Variants in RASAL2 observed in about 807,000 individuals in gnomAD.
The protein encoded by RASAL2 is RAS protein activator like 2, also known as ras GTPase-activating protein nGAP.
Under a neutral mutation model 128.9 loss-of-function variants are expected in RASAL2, and 58 were observed. The ratio of observed to expected loss-of-function variants is 0.45; its 90% CI spans 0.36 to 0.56. The LOEUF is 0.56. Among genes scored for constraint, RASAL2 ranks in the 20% least tolerant of loss-of-function variants. The pLI, the probability that RASAL2 is intolerant of heterozygous loss-of-function variation, is 0.00. For missense variants in RASAL2, 1,360 were observed against 1,601.6 expected, an observed-to-expected ratio of 0.85 and a Z score of 2.57; for synonymous variants, 561 against 580.8, an observed-to-expected ratio of 0.97 and a Z score of 0.49.
chr1:178,248,655 TG>T (rs1316220594), intron 1 of RASAL2, among the ~76,000 whole-genome samples: 4 of 152,304 alleles, frequency 2.6e-5, no homozygotes, highest in Admixed American at 2.6e-4. Context: ...CTTTATATTT[TG>T]TTATGTTTTT....
chr1:178,122,872 G>T lies in RASAL2; in HGVS notation c.202+28178G>T, dbSNP rs1395369210. Among the ~76,000 whole-genome samples the T allele has an allele frequency of 3.3e-5, 5 of 150,564 alleles. No homozygotes were observed. In the East Asian group the frequency reaches 9.7e-4, roughly 29 times the overall value. ...TTTTTGCTCACACACTACTTTGGAT[G>T]ATTTTAATTGTATAGTATTTAAAAT... On this transcript the variant is annotated intron_variant, in intron 1 of 17. Coordinates refer to ENST00000367649, the MANE Select transcript of RASAL2 (RefSeq NM_170692.4).
intron 1 of RASAL2, among the ~76,000 whole-genome samples, chr1:178,280,856 G>A (rs1187817313): frequency 6.6e-6 from 1 of 151,988 alleles, no homozygotes; most frequent in African/African-American, 2.4e-5. Flanking sequence ...TTAAAAGTAA[G>A]TCACTAGAGC....
intron 9 of RASAL2, among the ~76,000 whole-genome samples, chr1:178,447,615 A>G (rs1677092739): frequency 6.9e-6 from 1 of 144,382 alleles, no homozygotes; most frequent in Non-Finnish European, 1.5e-5. Flanking sequence ...AAGTTGCGGT[A>G]AGCCAAGATT....
Position 178,341,742 on chromosome 1 carries a change from T to C in RASAL2, c.457+41624T>C, listed in dbSNP as rs1369013899. On this transcript the variant is annotated intron_variant, in intron 3 of 17. Transcript: ENST00000367649. Reference sequence around the variant, plus strand: ...GGCTTTAAAAAAATAGGTTGGTTTTTATTGCTGTGAGTTCACAGAAATACT... The same window carrying C: ...GGCTTTAAAAAAATAGGTTGGTTTTCATTGCTGTGAGTTCACAGAAATACT... 8.6e-6 allele frequency: 11 copies of C among 1,286,172 alleles called. No homozygotes were observed. The Admixed American group carries it at 1.7e-4, about 19-fold the overall frequency. 79.7% of individuals were successfully genotyped at this position (1,286,172 alleles called of 1,614,324 possible). A position where few individuals can be genotyped will look rare whatever the true frequency, so the allele number is the denominator to read the frequency against.
intron 1 of RASAL2, among the ~76,000 whole-genome samples, chr1:178,255,896 G>A (rs560643586): frequency 6.6e-6 from 1 of 152,252 alleles, no homozygotes; most frequent in African/African-American, 2.4e-5. Context: ...AAAAGCGCTT[G>A]TGAGACTGGA....
chr1:178,389,138 G>C (rs1672749380), intron 3 of RASAL2: 1 of 287,640 alleles, frequency 3.5e-6, no homozygotes, highest in Non-Finnish European at 5.2e-6. Context: ...AGTCTCCGGA[G>C]TTACGATTTA....
chr1:178,404,681 C>T lies in RASAL2; in HGVS notation c.564+14475C>T, dbSNP rs1236311337. On this transcript the variant is annotated intron_variant, in intron 4 of 17. Transcript: ENST00000367649. ...GGCGTGAGCAACCGCACCTGGCCCC[C>T]CAATTTTTTTTTTTTTTTTTTTTTG... Among the ~76,000 whole-genome samples, 6 of 135,066 alleles carry T rather than the reference C, an allele frequency of 4.4e-5. No homozygotes were observed. In the Admixed American group the frequency reaches 5.1e-4, roughly 12 times the overall value. The allele number at this position is 135,066 out of a possible 152,430, so 88.6% of individuals were successfully genotyped here. A position where few individuals can be genotyped will look rare whatever the true frequency, so the allele number is the denominator to read the frequency against.
chr1:178,333,307 G>T (rs921383432), intron 3 of RASAL2, among the ~76,000 whole-genome samples: 8 of 152,218 alleles, frequency 5.3e-5, no homozygotes, highest in Middle Eastern at 6.3e-3. Context: ...GATTACAGGC[G>T]TAAGCCACCG....
intron 1 of RASAL2, among the ~76,000 whole-genome samples, chr1:178,167,249 GAGAC>G (rs973813962): frequency 3.4e-4 from 51 of 152,208 alleles, no homozygotes; most frequent in Middle Eastern, 3.4e-3. Context: ...TTAAATTAGA[GAGAC>G]AGACAGATAA....
intron 11 of RASAL2, among the ~76,000 whole-genome samples, chr1:178,452,861 G>C (rs1389023698): frequency 6.6e-6 from 1 of 152,114 alleles, no homozygotes; most frequent in Non-Finnish European, 1.5e-5. Context: ...TGGAATATTT[G>C]CAGGCACTAC....
chr1:178,196,826 G>T (rs1662674855), intron 1 of RASAL2, among the ~76,000 whole-genome samples: 1 of 152,138 alleles, frequency 6.6e-6, no homozygotes, highest in South Asian at 2.1e-4. Context: ...AACAAAAGGT[G>T]TTCAACTTTA....
intron 3 of RASAL2, among the ~76,000 whole-genome samples, chr1:178,303,865 G>A (rs373439043): frequency 2.6e-5 from 4 of 152,158 alleles, no homozygotes; most frequent in East Asian, 1.9e-4. Context: ...GTCTGATTCC[G>A]TTTATATCAA....
chr1:178,392,244 A>G (rs1177724874), intron 4 of RASAL2, among the ~76,000 whole-genome samples: 1 of 152,220 alleles, frequency 6.6e-6, no homozygotes, highest in Non-Finnish European at 1.5e-5. Flanking sequence ...TGTGTAAGTT[A>G]AGGCTTTGAC....
intron 3 of RASAL2, among the ~76,000 whole-genome samples, chr1:178,361,128 A>G (rs1671082308): frequency 2.6e-5 from 4 of 152,226 alleles, no homozygotes; most frequent in Admixed American, 2.6e-4. Context: ...ATAATAATGT[A>G]GTTCTGTAAA....
intron 1 of RASAL2, among the ~76,000 whole-genome samples, chr1:178,206,188 G>A (rs1229663004): frequency 6.6e-6 from 1 of 152,156 alleles, no homozygotes; most frequent in Non-Finnish European, 1.5e-5. Flanking sequence ...GAAAGATAGA[G>A]GTGAAGAAAG....
At chr1:178,255,399 A>G (rs1003846930) in intron 1 of RASAL2, among the ~76,000 whole-genome samples, 2 of 152,214 alleles carry the variant, frequency 1.3e-5, no homozygotes, top group African/African-American at 4.8e-5. Context: ...CATAACATAT[A>G]GAAACGTAAT....
intron 1 of RASAL2, among the ~76,000 whole-genome samples, chr1:178,264,304 A>G (rs1665837049): frequency 6.6e-6 from 1 of 152,168 alleles, no homozygotes. Context: ...ACTATTTACC[A>G]TCATATTTTA....
intron 1 of RASAL2, among the ~76,000 whole-genome samples, chr1:178,122,340 A>C (rs1465345391): frequency 6.6e-6 from 1 of 152,310 alleles, no homozygotes; most frequent in East Asian, 1.9e-4. Context: ...CTGGAGTGTA[A>C]AAAATTGAGT....
At chr1:178,324,944 A>G (rs114044257) in intron 3 of RASAL2, among the ~76,000 whole-genome samples, 2,552 of 152,272 alleles carry the variant, frequency 0.017, 68 homozygotes, top group African/African-American at 0.057. Context: ...TCTAGTAACA[A>G]TGCTTAACCA....
Sources: allele counts gnomAD v4.1 joint callset (sites outside exome capture counted in the v4.1 genomes callset), GRCh38; gene constraint gnomAD v4.1.1; transcripts MANE v1.5; gene names NCBI Gene and HGNC (gene_info 2026-07-23, HGNC 2026-07-21).